The following NMNAT3 variants were observed in gnomAD, a reference collection of about 807,000 sequenced individuals.
The protein encoded by NMNAT3 is nicotinamide nucleotide adenylyltransferase 3, also known as nicotinamide/nicotinic acid mononucleotide adenylyltransferase 3.
A neutral mutation model predicts 24.8 loss-of-function variants in NMNAT3; 21 were observed. The observed-to-expected ratio is 0.85, with a 90% CI of 0.60 to 1.22. The LOEUF is 1.22. NMNAT3 is among the 50% of genes most tolerant of loss of function. The pLI is 0.00. For missense variants in NMNAT3, 387 were observed against 436.6 expected, an observed-to-expected ratio of 0.89 and a Z score of 1.01; for synonymous variants, 136 against 155.2, an observed-to-expected ratio of 0.88 and a Z score of 0.92.
At chr3:139,593,574 C>T (rs564406660) in intron 3 of NMNAT3, among the ~76,000 whole-genome samples, 37 of 152,264 alleles carry the variant, frequency 2.4e-4, no homozygotes, top group Middle Eastern at 3.4e-3. Flanking sequence ...AAGCACTCCT[C>T]AGCAAATGTA....
chr3:139,615,744 A>G (rs1047237785), intron 3 of NMNAT3, among the ~76,000 whole-genome samples: 7 of 152,188 alleles, frequency 4.6e-5, no homozygotes, highest in Non-Finnish European at 1.0e-4. Flanking sequence ...CAGGAAAAAG[A>G]AATCTACTTA....
At chr3:139,566,174 C>G (rs913116588) in intron 6 of NMNAT3, 1 of 152,160 alleles carries the variant, frequency 6.6e-6, no homozygotes. Flanking sequence ...TGAGAAGTGT[C>G]TGTTCATATC....
At chr3:139,575,613 T>TGAACTAGGTTCAGG in intron 5 of NMNAT3, 1 of 1,011,398 alleles carries the variant, frequency 9.9e-7, no homozygotes, top group Non-Finnish European at 1.2e-6. Context: ...TTGACCCTAC[T>TGAACTAGGTTCAGG]TTGAATATTA....
intron 1 of NMNAT3, among the ~76,000 whole-genome samples, chr3:139,656,663 AT>A (rs1369246034): frequency 6.6e-6 from 1 of 152,144 alleles, no homozygotes; most frequent in Non-Finnish European, 1.5e-5. Context: ...GTAGTGGTGC[AT>A]GCTTGTAGTC....
intron 3 of NMNAT3, among the ~76,000 whole-genome samples, chr3:139,588,864 G>A (rs1236300129): frequency 6.6e-6 from 1 of 152,156 alleles, no homozygotes; most frequent in African/African-American, 2.4e-5. Flanking sequence ...TTCCCAGAAT[G>A]TCTCTCTGGG....
At chr3:139,658,828 T>TA (rs2057326663) in intron 1 of NMNAT3, among the ~76,000 whole-genome samples, 1 of 152,190 alleles carries the variant, frequency 6.6e-6, no homozygotes, top group African/African-American at 2.4e-5. Context: ...CATCATGTAA[T>TA]AAATTTTAAC....
rs1315396727 is a variant in NMNAT3 at position 139,561,004 on chromosome 3, C to G, written c.*6G>C. The G allele has an allele frequency of 6.2e-7, 1 of 1,605,762 alleles. No homozygotes were observed. Among genetic ancestry groups the G allele is most frequent in the East Asian group, 2.2e-5 (1 of 44,686 alleles). On this transcript the variant is annotated 3_prime_UTR_variant, in exon 7 of 7. Coordinates refer to ENST00000643695, the MANE Select transcript of NMNAT3 (RefSeq NM_001320510.2). Reference sequence around the variant, plus strand: ...GGAGGAGGTGTGGGTGCTGAGTCCCCCCTCCCTAGCTTGTCTTGCCCTCAG... The same window carrying G: ...GGAGGAGGTGTGGGTGCTGAGTCCCGCCTCCCTAGCTTGTCTTGCCCTCAG...
chr3:139,570,190 C>T (rs2108033647), intron 6 of NMNAT3: 1 of 152,286 alleles, frequency 6.6e-6, no homozygotes, highest in South Asian at 2.1e-4. Context: ...GTTTTCAGCT[C>T]CATCAGGTCC....
At chr3:139,563,081 C>G (rs986387520) in intron 6 of NMNAT3, among the ~76,000 whole-genome samples, 1 of 152,198 alleles carries the variant, frequency 6.6e-6, no homozygotes, top group Non-Finnish European at 1.5e-5. Flanking sequence ...ATCTACCACT[C>G]TATTCATAGA....
intron 1 of NMNAT3, among the ~76,000 whole-genome samples, chr3:139,641,859 A>G (rs2056714573): frequency 6.6e-6 from 1 of 152,272 alleles, no homozygotes; most frequent in East Asian, 1.9e-4. Flanking sequence ...GCTAACAAAC[A>G]CCAATTTTAT....
chr3:139,656,654 T>C (rs945765379), intron 1 of NMNAT3, among the ~76,000 whole-genome samples: 3 of 152,126 alleles, frequency 2.0e-5, no homozygotes, highest in African/African-American at 7.2e-5. Context: ...TAGCTGGATG[T>C]AGTGGTGCAT....
At position 139,575,629 on chromosome 3, in the gene NMNAT3, A is replaced by C. The variant is rs1426504683; in HGVS notation, c.576-1949T>G. 3.0e-6 allele frequency: 3 copies of C among 1,012,668 alleles called. No individual in the cohort carries two copies. In the East Asian group the frequency reaches 3.0e-4, roughly 101 times the overall value. 62.7% of individuals were successfully genotyped at this position (1,012,668 alleles called of 1,614,324 possible). A position where few individuals can be genotyped will look rare whatever the true frequency, so the allele number is the denominator to read the frequency against. On this transcript the variant is annotated intron_variant, in intron 5 of 6. Coordinates refer to ENST00000643695, the MANE Select transcript of NMNAT3 (RefSeq NM_001320510.2). ...TGACCCTACTTTGAATATTAGCTGG[A>C]TCTCTGAACTTTGTTGTGGAAATAA...
rs1009657315 is a variant in NMNAT3, at chr3:139,591,375, GGCAACGA to G, written c.110-8174_110-8168del. 1.3e-4 allele frequency among the ~76,000 whole-genome samples: 20 copies of G among 152,238 alleles called. No homozygotes were observed. The East Asian group carries it at 2.3e-3, about 18-fold the overall frequency. ...GCAGTCTGAGATCAAACTGCAAGGC[GGCAACGA>G]GGCTCGGGAAGGGGCGCCCGCCATT... On this transcript the variant is annotated intron_variant, in intron 3 of 6. Coordinates refer to ENST00000643695, the MANE Select transcript of NMNAT3 (RefSeq NM_001320510.2).
In NMNAT3 at chr3:139,561,058, A is replaced by G. The variant is rs760406141; in HGVS notation, c.993T>C (p.Ser331=). The G allele has an allele frequency of 3.7e-6, 6 of 1,613,760 alleles. No individual in the cohort carries two copies. Among genetic ancestry groups the G allele is most frequent in the African/African-American group, 1.3e-5 (1 of 74,858 alleles). Residue 331 remains serine (S), a synonymous_variant, in exon 7 of 7, where the codon AGT becomes AGC. Transcript: ENST00000643695. Reference sequence around the variant, plus strand: ...TCTGGGTGCTTTTGCCTTTCCAGGTACTGCCCTTGGTGTAGAGGCCATGGT... The same window carrying G: ...TCTGGGTGCTTTTGCCTTTCCAGGTGCTGCCCTTGGTGTAGAGGCCATGGT...
rs546106507 is a variant in NMNAT3, at chr3:139,606,903, G to A, written c.109+20713C>T. Among the ~76,000 whole-genome samples the A allele has an allele frequency of 4.9e-4, 75 of 152,156 alleles. 1 individual carries two copies. Among genetic ancestry groups the A allele is most frequent in the African/African-American group, 1.8e-3 (74 of 41,506 alleles). On this transcript the variant is annotated intron_variant, in intron 3 of 6. Transcript: ENST00000643695. ...TGAAAGCTCCTTTAAGTTGGCTCCTGTGGCTTTTTTACATTCTCCCATCAT... is the reference window on the plus strand; with the variant it reads ...TGAAAGCTCCTTTAAGTTGGCTCCTATGGCTTTTTTACATTCTCCCATCAT...
At chr3:139,650,962 C>G (rs901362474) in intron 1 of NMNAT3, among the ~76,000 whole-genome samples, 2 of 152,068 alleles carry the variant, frequency 1.3e-5, no homozygotes, top group African/African-American at 4.8e-5. Flanking sequence ...AAGAAGTAAT[C>G]AAAGAAAACC....
intron 1 of NMNAT3, among the ~76,000 whole-genome samples, chr3:139,657,450 G>A (rs1052139052): frequency 1.3e-5 from 2 of 152,194 alleles, no homozygotes; most frequent in African/African-American, 2.4e-5. Flanking sequence ...CTTCTCTAGC[G>A]AAGGCAATGG....
chr3:139,618,018 A>G (rs542917781), intron 3 of NMNAT3, among the ~76,000 whole-genome samples: 3 of 152,320 alleles, frequency 2.0e-5, no homozygotes, highest in African/African-American at 7.2e-5. Context: ...CCACTACACA[A>G]ATTCATCCAT....
chr3:139,578,449 A>G (rs1576550781), intron 5 of NMNAT3, among the ~76,000 whole-genome samples: 1 of 152,222 alleles, frequency 6.6e-6, no homozygotes, highest in Non-Finnish European at 1.5e-5. Context: ...CACCTACTGA[A>G]TATTATTATG....
Sources: allele counts gnomAD v4.1 joint callset (sites outside exome capture counted in the v4.1 genomes callset), GRCh38; gene constraint gnomAD v4.1.1; transcripts MANE v1.5; gene names NCBI Gene and HGNC (gene_info 2026-07-23, HGNC 2026-07-21).